Variants in LPP observed in about 807,000 individuals in gnomAD.
The protein encoded by LPP is lipoma-preferred partner.
A neutral mutation model predicts 60.4 loss-of-function variants in LPP; 38 were observed. The ratio of observed to expected loss-of-function variants is 0.63; its 90% CI spans 0.49 to 0.83. The LOEUF (loss-of-function observed/expected upper bound fraction) is 0.83, where lower values mean the gene tolerates loss of function less well. Ranked by LOEUF, LPP falls within the 40% of genes least tolerant of loss-of-function variation. The probability of loss-of-function intolerance (pLI) is 0.00; values close to 1 mark genes in which losing one functional copy is unlikely to be tolerated. For synonymous variants in LPP, 328 were observed against 290.8 expected (o/e 1.13, Z -1.30); for missense variants, 902 against 783.6 (o/e 1.15, Z -1.80).
intron 4 of LPP, among the ~76,000 whole-genome samples, chr3:188,465,798 G>A (rs1800234090): frequency 1.3e-5 from 2 of 152,086 alleles, no homozygotes; most frequent in South Asian, 4.1e-4. Flanking sequence ...TCCATGGTGG[G>A]AATTTTCCGT....
intron 1 of LPP, among the ~76,000 whole-genome samples, chr3:188,196,771 C>G (rs1729660482): frequency 6.6e-6 from 1 of 152,186 alleles, no homozygotes; most frequent in Non-Finnish European, 1.5e-5. Flanking sequence ...CTGCCTCTTT[C>G]TGTCCTCATC....
intron 3 of LPP, among the ~76,000 whole-genome samples, chr3:188,349,327 C>T (rs575653191): frequency 2.0e-4 from 31 of 152,110 alleles, no homozygotes; most frequent in African/African-American, 7.5e-4. Context: ...TTTTAGTTTC[C>T]TTGCTCAAAA....
At chr3:188,207,773 G>T (rs896095836) in intron 1 of LPP, among the ~76,000 whole-genome samples, 2 of 151,796 alleles carry the variant, frequency 1.3e-5, no homozygotes, top group Admixed American at 1.3e-4. Context: ...TCCTTCTGTC[G>T]GAATGCCCTT....
rs16863683 is a variant in LPP, at chr3:188,883,331, G to A, written c.*8852G>A. On this transcript the variant is annotated 3_prime_UTR_variant, in exon 12 of 12. Transcript: ENST00000617246. ...GTTGCTGGTTGTACTTTCCTATTTA[G>A]AAGACAGACCGTTCTGACAGTTGTT... 1,187 of 215,698 alleles carry A rather than the reference G, an allele frequency of 5.5e-3. 13 individuals are homozygous for A. The highest frequency in any genetic ancestry group is 0.021 in the African/African-American group (940 of 44,486). 13.4% of individuals were successfully genotyped at this position (215,698 alleles called of 1,614,324 possible).
Position 188,887,283 on chromosome 3 carries a change from C to T in LPP, c.*12804C>T, listed in dbSNP as rs1003201098. On this transcript the variant is annotated 3_prime_UTR_variant, in exon 12 of 12. Transcript: ENST00000617246. ...TCCTTTTTTATTCTTTCTTGGGAGA[C>T]GTTAAGTATAAAAGGGAAAAAGTCA... 3 of 216,782 alleles carry T rather than the reference C, an allele frequency of 1.4e-5. No homozygotes were observed. The highest frequency in any genetic ancestry group is 6.8e-5 in the African/African-American group (3 of 44,390). The allele number at this position is 216,782 out of a possible 1,614,324, so 13.4% of individuals were successfully genotyped here. A position where few individuals can be genotyped will look rare whatever the true frequency, so the allele number is the denominator to read the frequency against.
chr3:188,624,491 C>T (rs1339883530), intron 7 of LPP, among the ~76,000 whole-genome samples: 1 of 152,130 alleles, frequency 6.6e-6, no homozygotes, highest in Non-Finnish European at 1.5e-5. Context: ...TGCATTCCTG[C>T]AGGAGAAATG....
At chr3:188,167,362 G>A (rs1239967243) in intron 1 of LPP, among the ~76,000 whole-genome samples, 2 of 152,324 alleles carry the variant, frequency 1.3e-5, no homozygotes, top group Middle Eastern at 3.4e-3. Flanking sequence ...GCTGGGCATG[G>A]TGGCATGTGC....
At chr3:188,739,512 G>A (rs1173583653) in intron 8 of LPP, among the ~76,000 whole-genome samples, 4 of 152,098 alleles carry the variant, frequency 2.6e-5, no homozygotes, top group Non-Finnish European at 2.9e-5. Context: ...GATGTATAAG[G>A]GTTTTATTTT....
intron 9 of LPP, among the ~76,000 whole-genome samples, chr3:188,777,802 G>T (rs1326046498): frequency 6.6e-6 from 1 of 152,174 alleles, no homozygotes; most frequent in Admixed American, 6.5e-5. Context: ...GGGTATAACA[G>T]ATTTTTATTT....
intron 7 of LPP, among the ~76,000 whole-genome samples, chr3:188,671,887 G>C (rs1288593034): frequency 1.3e-5 from 2 of 152,104 alleles, no homozygotes; most frequent in Admixed American, 6.5e-5. Flanking sequence ...AGAAATGAGA[G>C]CTCTAAACAT....
intron 9 of LPP, among the ~76,000 whole-genome samples, chr3:188,801,120 T>G (rs1747127509): frequency 1.3e-5 from 2 of 151,972 alleles, no homozygotes; most frequent in Non-Finnish European, 1.5e-5. Context: ...GCTTTGTGCT[T>G]GAGATTAAAC....
At chr3:188,805,225 G>A (rs908328657) in intron 9 of LPP, among the ~76,000 whole-genome samples, 2 of 152,014 alleles carry the variant, frequency 1.3e-5, no homozygotes, top group African/African-American at 2.4e-5. Flanking sequence ...GAATTGATGA[G>A]TTCCTTCCTC....
intron 9 of LPP, among the ~76,000 whole-genome samples, chr3:188,795,509 G>T (rs988882214): frequency 2.0e-5 from 3 of 152,188 alleles, no homozygotes; most frequent in Non-Finnish European, 4.4e-5. Context: ...ACAGTGGTGG[G>T]ATGGTTACAG....
intron 2 of LPP, among the ~76,000 whole-genome samples, chr3:188,229,716 T>C (rs1316086264): frequency 2.0e-5 from 3 of 152,220 alleles, no homozygotes; most frequent in Non-Finnish European, 4.4e-5. Context: ...TATCTCTTTC[T>C]CTCTTTTGCT....
intron 9 of LPP, among the ~76,000 whole-genome samples, chr3:188,841,639 C>T (rs1760055214): frequency 6.6e-6 from 1 of 152,160 alleles, no homozygotes; most frequent in African/African-American, 2.4e-5. Context: ...ATCCGCCCAC[C>T]TTGGGCCACT....
At chr3:188,362,245 T>C (rs1209699418) in intron 3 of LPP, among the ~76,000 whole-genome samples, 1 of 152,244 alleles carries the variant, frequency 6.6e-6, no homozygotes, top group Non-Finnish European at 1.5e-5. Flanking sequence ...TAGGCATTTC[T>C]TAAACTATTT....
At chr3:188,322,174 T>G (rs1757142622) in intron 2 of LPP, among the ~76,000 whole-genome samples, 1 of 152,216 alleles carries the variant, frequency 6.6e-6, no homozygotes, top group Admixed American at 6.5e-5. Context: ...ACATTTAATC[T>G]ATGGAGGTTG....
At chr3:188,161,887 T>C (rs1416965579) in intron 1 of LPP, among the ~76,000 whole-genome samples, 1 of 152,230 alleles carries the variant, frequency 6.6e-6, no homozygotes, top group Non-Finnish European at 1.5e-5. Context: ...GATTTATTTA[T>C]GTAACTGCCA....
At chr3:188,304,035 C>T (rs1039756507) in intron 2 of LPP, among the ~76,000 whole-genome samples, 13 of 152,138 alleles carry the variant, frequency 8.5e-5, no homozygotes, top group Admixed American at 1.3e-4. Flanking sequence ...TGTCTTCATA[C>T]GTCCCCTGTT....
Sources: allele counts gnomAD v4.1 joint callset (sites outside exome capture counted in the v4.1 genomes callset), GRCh38; gene constraint gnomAD v4.1.1; transcripts MANE v1.5; gene names NCBI Gene and HGNC (gene_info 2026-07-23, HGNC 2026-07-21).